Variants in MTUS2 observed in about 807,000 individuals in gnomAD.
The protein encoded by MTUS2 is microtubule-associated tumor suppressor candidate 2.
Under a neutral mutation model 114.1 loss-of-function variants are expected in MTUS2, and 40 were observed. That is an observed-to-expected ratio of 0.35 (90% CI 0.27 to 0.46). The LOEUF is 0.46. Among genes scored for constraint, MTUS2 ranks in the 20% least tolerant of loss-of-function variants. MTUS2 has a pLI of 1.00. For missense variants in MTUS2, 1,679 were observed against 1,705.4 expected (o/e 0.98, Z 0.27); for synonymous variants, 688 against 672.0 (o/e 1.02, Z -0.37).
At chr13:29,104,522 C>T (rs1890572061) in intron 5 of MTUS2, among the ~76,000 whole-genome samples, 1 of 152,170 alleles carries the variant, frequency 6.6e-6, no homozygotes, top group South Asian at 2.1e-4. Context: ...AGAGAGGGTT[C>T]CGCTTTACGC....
intron 2 of MTUS2, among the ~76,000 whole-genome samples, chr13:28,948,958 A>G (rs1043419268): frequency 1.3e-5 from 2 of 152,188 alleles, no homozygotes; most frequent in African/African-American, 4.8e-5. Context: ...CCAATTTGTA[A>G]ATCTCAGAAG....
intron 4 of MTUS2, among the ~76,000 whole-genome samples, chr13:29,095,792 T>C (rs1322174374): frequency 5.6e-5 from 1 of 17,738 alleles, no homozygotes; most frequent in Non-Finnish European, 2.3e-4. Flanking sequence ...GTTATTTTGC[T>C]TTTTTAACAC....
At chr13:29,003,503 T>G (rs931141885) in intron 2 of MTUS2, among the ~76,000 whole-genome samples, 1 of 152,230 alleles carries the variant, frequency 6.6e-6, no homozygotes, top group Admixed American at 6.5e-5. Flanking sequence ...CTGGAACACT[T>G]CGTGTCCTAA....
intron 5 of MTUS2, among the ~76,000 whole-genome samples, chr13:29,228,753 G>T (rs370441111): frequency 3.3e-5 from 5 of 152,020 alleles, no homozygotes; most frequent in South Asian, 2.1e-4. Flanking sequence ...AAGGAGAAGG[G>T]GGGGAAGAAA....
intron 4 of MTUS2, among the ~76,000 whole-genome samples, chr13:29,041,979 C>G (rs1307406259): frequency 3.3e-5 from 5 of 152,112 alleles, no homozygotes; most frequent in African/African-American, 1.2e-4. Context: ...TCTGATTGCT[C>G]TGGTTTGGAC....
At chr13:29,033,263 C>G (rs144334650) in intron 3 of MTUS2, among the ~76,000 whole-genome samples, 3 of 152,180 alleles carry the variant, frequency 2.0e-5, no homozygotes, top group Admixed American at 2.0e-4. Flanking sequence ...TCGCCTCACT[C>G]GAGCAGACGA....
At chr13:29,195,258 A>AAAT (rs1894637896) in intron 5 of MTUS2, among the ~76,000 whole-genome samples, 1 of 150,358 alleles carries the variant, frequency 6.7e-6, no homozygotes, top group Non-Finnish European at 1.5e-5. Flanking sequence ...ATAAAATAAA[A>AAAT]TAAAATAAAA....
chr13:29,464,102 G>T (rs182064004), intron 9 of MTUS2, among the ~76,000 whole-genome samples: 3 of 152,374 alleles, frequency 2.0e-5, no homozygotes, highest in Admixed American at 6.5e-5. Flanking sequence ...CTGTGGACAG[G>T]ATCTGAAGGT....
intron 6 of MTUS2, among the ~76,000 whole-genome samples, chr13:29,289,188 T>A (rs1898607350): frequency 6.6e-6 from 1 of 152,212 alleles, no homozygotes; most frequent in Non-Finnish European, 1.5e-5. Flanking sequence ...CTTTTACAGA[T>A]ATGTGACTAA....
chr13:28,972,068 C>A (rs530747579), intron 2 of MTUS2, among the ~76,000 whole-genome samples: 9 of 152,150 alleles, frequency 5.9e-5, no homozygotes, highest in Middle Eastern at 3.2e-3. Flanking sequence ...GGCATTGAGT[C>A]TGGGGGTGTT....
chr13:29,099,747 A>G (rs1361854129), intron 4 of MTUS2, among the ~76,000 whole-genome samples: 1 of 152,224 alleles, frequency 6.6e-6, no homozygotes, highest in South Asian at 2.1e-4. Context: ...CAATGAGGAC[A>G]GTTATACAGC....
chr13:29,155,891 G>T (rs1892839325), intron 5 of MTUS2, among the ~76,000 whole-genome samples: 1 of 151,770 alleles, frequency 6.6e-6, no homozygotes, highest in Non-Finnish European at 1.5e-5. Context: ...ATCATTACGA[G>T]GATAATCTTA....
chr13:29,194,435 G>T (rs1593584587), intron 5 of MTUS2, among the ~76,000 whole-genome samples: 1 of 151,254 alleles, frequency 6.6e-6, no homozygotes, highest in East Asian at 1.9e-4. Flanking sequence ...GTGGGCGAAG[G>T]ACATGAACAG....
At chr13:28,995,018 G>C (rs1445304947) in intron 2 of MTUS2, among the ~76,000 whole-genome samples, 1 of 152,042 alleles carries the variant, frequency 6.6e-6, no homozygotes, top group Non-Finnish European at 1.5e-5. Flanking sequence ...TTTCTTCTAG[G>C]GTTTTATGGT....
chr13:28,923,047 A>G (rs532656354), intron 2 of MTUS2, among the ~76,000 whole-genome samples: 88 of 151,726 alleles, frequency 5.8e-4, no homozygotes, highest in African/African-American at 2.0e-3. Flanking sequence ...TCTTTTCTCT[A>G]TTGTTAAAAT....
chr13:29,346,778 G>A (rs1225032610), intron 7 of MTUS2, among the ~76,000 whole-genome samples: 1 of 146,414 alleles, frequency 6.8e-6, no homozygotes, highest in Non-Finnish European at 1.5e-5. Flanking sequence ...CCCTCCCCAA[G>A]AACTCCTGAG....
chr13:29,355,737 A>G (rs1177518784), intron 7 of MTUS2, among the ~76,000 whole-genome samples: 2 of 152,196 alleles, frequency 1.3e-5, no homozygotes. Flanking sequence ...TGTGTAGGTC[A>G]TGACGAAACA....
chr13:29,013,677 A>G (rs1885945630), intron 2 of MTUS2, among the ~76,000 whole-genome samples: 1 of 152,236 alleles, frequency 6.6e-6, no homozygotes, highest in Non-Finnish European at 1.5e-5. Flanking sequence ...TAACTCTGGC[A>G]TCACTTACAA....
chr13:29,093,571 G>C (rs1890054113), intron 4 of MTUS2, among the ~76,000 whole-genome samples: 1 of 152,208 alleles, frequency 6.6e-6, no homozygotes, highest in Admixed American at 6.5e-5. Flanking sequence ...TATTGTGAAT[G>C]TGTAGAAATA....
Sources: gnomAD v4.1 joint callset for allele counts (sites outside exome capture counted in the v4.1 genomes callset) on GRCh38, gnomAD v4.1.1 for gene constraint, MANE v1.5 for transcripts, NCBI Gene and HGNC (gene_info 2026-07-23, HGNC 2026-07-21) for gene names.